The following PLD4 variants were observed in gnomAD, a reference collection of about 807,000 sequenced individuals.
The protein encoded by PLD4 is 5'-3' exonuclease PLD4.
A neutral mutation model predicts 52.3 loss-of-function variants in PLD4; 54 were observed. That is an observed-to-expected ratio of 1.03 (90% confidence interval 0.83 to 1.30). The LOEUF (loss-of-function observed/expected upper bound fraction) is 1.30. Ranked by LOEUF, PLD4 falls within the 50% of genes most tolerant of loss-of-function variation. The pLI is 0.00. For synonymous variants in PLD4, 264 were observed against 286.5 expected (o/e 0.92, Z 0.79); for missense variants, 731 against 671.1 (o/e 1.09, Z -0.99).
At position 104,932,272 on chromosome 14, in the gene PLD4, T is replaced by C; in HGVS notation, c.1238T>C (p.Val413Ala). 8.1e-6 allele frequency: 13 copies of C among 1,612,690 alleles called. No individual in the cohort carries two copies. Among genetic ancestry groups the C allele is most frequent in the Non-Finnish European group, 1.1e-5 (13 of 1,179,838 alleles). ...NVSVDVKVFI[V>A]PVGNHSNIPF... ...TGCTCCCCTAAGAAAGTCTTCATCG[T>C]GCCGGTGGGGAACCATTCCAACATC... is the stretch of plus-strand genomic sequence containing the variant. The change falls in exon 10 of 11, where the codon GTG becomes GCG. Residue 413 changes from valine (V) to alanine (A), a missense_variant. Transcript: ENST00000392593. This position sits in a 1 kb window ranked among gnomAD's most constrained non-coding sequence, Gnocchi z 6.5.
At chr14:104,937,268 T>G (rs931489118), downstream of PLD4, 1 of 152,274 alleles carries the variant, frequency 6.6e-6, no homozygotes, top group Non-Finnish European at 1.5e-5. Context: ...TGCAGCACTT[T>G]CTTTATTGCC....
chr14:104,932,584 T>A lies in PLD4; in HGVS notation c.1322-181T>A, dbSNP rs1043180491. Among the ~76,000 whole-genome samples the A allele has an allele frequency of 2.0e-5, 3 of 152,198 alleles. No homozygotes were observed. The highest frequency in any genetic ancestry group is 6.5e-5 in the Admixed American group (1 of 15,288). On this transcript the variant is annotated intron_variant, in intron 10 of 10. Transcript: ENST00000392593. The surrounding 1 kb of genome is among the most constrained non-coding windows in gnomAD (Gnocchi z 6.5). ...TGTCCCCAAGTGATGAAGGTGGAGT[T>A]CTACCGCGACCAGCTGTCCCTCCCG...
intron 3 of PLD4, 145 bp downstream of exon 3, chr14:104,928,011 C>A: frequency 2.1e-6 from 2 of 947,414 alleles, no homozygotes; most frequent in Non-Finnish European, 3.0e-6. Context: ...AGGGCCACGA[C>A]CATATGAGCT....
Position 104,933,202 on chromosome 14 carries a change from C to T in PLD4, c.*238C>T, listed in dbSNP as rs968739351. On this transcript the variant is annotated 3_prime_UTR_variant, in exon 11 of 11. Coordinates refer to ENST00000392593, the MANE Select transcript of PLD4 (RefSeq NM_138790.5). ...AGGAAGCCCCTTCCCTGACTCCTGG[C>T]CCACAGGCCAGGCCTAAAAAAAACT... 1.2e-5 allele frequency: 6 copies of T among 491,050 alleles called. No individual in the cohort carries two copies. Among genetic ancestry groups the T allele is most frequent in the Non-Finnish European group, 1.4e-5 (4 of 281,398 alleles). The allele number at this position is 491,050 out of a possible 1,614,324, so 30.4% of individuals were successfully genotyped here.
At position 104,932,103 on chromosome 14, in the gene PLD4, G is replaced by T; in HGVS notation, c.1150G>T (p.Asp384Tyr). 1.9e-6 allele frequency: 3 copies of T among 1,611,052 alleles called. No individual in the cohort carries two copies. The highest frequency in any genetic ancestry group is 4.5e-5 in the East Asian group (2 of 44,862). Residue 384 changes from aspartate to tyrosine, a missense_variant, in exon 9 of 11, where the codon GAC becomes TAC. Transcript: ENST00000392593. This position sits in a 1 kb window ranked among gnomAD's most constrained non-coding sequence, Gnocchi z 6.5. ...GCTGGTCGGCTGCGGACTCAACACGGACCCCACCATGTTCCCCTACCTGCG... is the reference window on the plus strand; with the variant it reads ...GCTGGTCGGCTGCGGACTCAACACGTACCCCACCATGTTCCCCTACCTGCG... ...RLLVGCGLNT[D>Y]PTMFPYLRSL...
rs780138740 is a variant in PLD4, at chr14:104,928,982, G to A, written c.468+50G>A. 4 of 1,552,002 alleles carry A rather than the reference G, an allele frequency of 2.6e-6. No homozygotes were observed. In the Admixed American group the frequency reaches 7.2e-5, roughly 28 times the overall value. ...CATCCTGGTGCTGGAAACACAGCAA[G>A]TCAGGCTGCCTATCTATGCAGGCGT... is the stretch of plus-strand genomic sequence containing the variant. On this transcript the variant is annotated intron_variant, in intron 4 of 10. Coordinates refer to ENST00000392593, the MANE Select transcript of PLD4 (RefSeq NM_138790.5).
Position 104,933,142 on chromosome 14 carries a change from C to T in PLD4, c.*178C>T, listed in dbSNP as rs1226773539. On this transcript the variant is annotated 3_prime_UTR_variant, in exon 11 of 11. Coordinates refer to ENST00000392593, the MANE Select transcript of PLD4 (RefSeq NM_138790.5). Reference sequence around the variant, plus strand: ...CTGCTCTCTGATTTCCGAGTCCAGCCCCCCCTGAGCCCCACCTCCTCCAGG... The same window carrying T: ...CTGCTCTCTGATTTCCGAGTCCAGCTCCCCCTGAGCCCCACCTCCTCCAGG... 1.8e-5 allele frequency: 12 copies of T among 660,130 alleles called. No homozygotes were observed. Among genetic ancestry groups the T allele is most frequent in the East Asian group, 3.2e-5 (1 of 31,472 alleles). The allele number at this position is 660,130 out of a possible 1,614,324, so 40.9% of individuals were successfully genotyped here.
At chr14:104,925,759 C>G (rs538232892) in intron 1 of PLD4, among the ~76,000 whole-genome samples, 1 of 152,010 alleles carries the variant, frequency 6.6e-6, no homozygotes, top group Non-Finnish European at 1.5e-5. Context: ...ACCCTGAGGT[C>G]TCCTCTGTGG....
rs1181000639 is a variant in PLD4 at position 104,929,259 on chromosome 14, GGA to G, written c.469-44_469-43del. The stretch of plus-strand genomic sequence containing the variant: ...ACATGGGTCCTAGTGGGGATGCGGA[GGA>G]GAGGGCAGCCTGAGGTCAGCTCTCA... On this transcript the variant is annotated intron_variant, in intron 4 of 10. Transcript: ENST00000392593. The G allele has an allele frequency of 3.8e-6, 6 of 1,575,044 alleles. No homozygotes were observed. In the Admixed American group the frequency reaches 1.1e-4, roughly 29 times the overall value.
Position 104,932,691 on chromosome 14 carries a change from G to T in PLD4, c.1322-74G>T, listed in dbSNP as rs1595382814. 5 of 1,397,986 alleles carry T rather than the reference G, an allele frequency of 3.6e-6. No homozygotes were observed. The East Asian group carries it at 1.3e-4, about 35-fold the overall frequency. The allele number at this position is 1,397,986 out of a possible 1,614,324, so 86.6% of individuals were successfully genotyped here. On this transcript the variant is annotated intron_variant, in intron 10 of 10. Transcript: ENST00000392593. The surrounding 1 kb of genome is among the most constrained non-coding windows in gnomAD (Gnocchi z 6.5). ...CCAACCGTCCCCAAACCCGTAGCCG[G>T]GCCTGGCGCTGAGCGGGCTGCAGAG...
At chr14:104,930,196 G>A in intron 6 of PLD4, 91 bp downstream of exon 6, 1 of 1,531,446 alleles carries the variant, frequency 6.5e-7, no homozygotes, top group South Asian at 1.2e-5. Context: ...CAGTGCATCT[G>A]GAGAAAGTCG....
rs911025951 is a variant in PLD4 at position 104,933,038 on chromosome 14, C to A, written c.*74C>A. The stretch of plus-strand genomic sequence containing the variant: ...CTCTGACCCCGGCCTGGGCTTCAGC[C>A]GCTTCCTCCCGCAAGCAGCCCGGGT... On this transcript the variant is annotated 3_prime_UTR_variant, in exon 11 of 11. Coordinates refer to ENST00000392593, the MANE Select transcript of PLD4 (RefSeq NM_138790.5). The A allele has an allele frequency of 1.3e-5, 18 of 1,435,618 alleles. No individual in the cohort carries two copies. In the Admixed American group the frequency reaches 2.4e-4, roughly 19 times the overall value. 88.9% of individuals were successfully genotyped at this position (1,435,618 alleles called of 1,614,324 possible).
At position 104,928,826 on chromosome 14, in the gene PLD4, C is replaced by G; in HGVS notation, c.362C>G (p.Ala121Gly). 6.2e-7 allele frequency: 1 copy of G among 1,612,152 alleles called. No homozygotes were observed. The highest frequency in any genetic ancestry group is 8.5e-7 in the Non-Finnish European group (1 of 1,179,370). Residue 121 changes from alanine (A) to glycine (G), a missense_variant, in exon 4 of 11, where the codon GCC (alanine) becomes GGC (glycine). Physicochemically the swap from Ala to Gly is moderately conservative, Grantham distance 60. Transcript: ENST00000392593. ...GSPSAQPLGQ[A>G]WLQLLDTAQE... ...CCCTCTGCCCAGCCTCTGGGCCAGG[C>G]CTGGCTGCAGCTGCTGGACACTGCC...
chr14:104,932,892 G>A lies in PLD4; in HGVS notation c.1449G>A (p.Arg483=). 1 of 1,603,676 alleles carries A rather than the reference G, an allele frequency of 6.2e-7. No homozygotes were observed. Among genetic ancestry groups the A allele is most frequent in the South Asian group, 1.1e-5 (1 of 89,436 alleles). ...VQEQLRQLFE[R]DWSSRYAVGL... is the part of the protein sequence containing the mutation. Reference sequence around the variant, plus strand: ...AGCAGCTGCGGCAGCTCTTTGAGCGGGACTGGAGTTCGCGCTACGCCGTCG... The same window carrying A: ...AGCAGCTGCGGCAGCTCTTTGAGCGAGACTGGAGTTCGCGCTACGCCGTCG... The change falls in exon 11 of 11, where the codon CGG becomes CGA. Residue 483 remains arginine, a synonymous_variant. Coordinates refer to ENST00000392593, the MANE Select transcript of PLD4 (RefSeq NM_138790.5). This position sits in a 1 kb window ranked among gnomAD's most constrained non-coding sequence, Gnocchi z 6.5.
chr14:104,932,296 T>G lies in PLD4; in HGVS notation c.1262T>G (p.Ile421Ser), dbSNP rs1324287225. 6.2e-7 allele frequency: 1 copy of G among 1,612,618 alleles called. No homozygotes were observed. The highest frequency in any genetic ancestry group is 8.5e-7 in the Non-Finnish European group (1 of 1,179,836). The change falls in exon 10 of 11, where the codon ATC (isoleucine) becomes AGC (serine). Residue 421 changes from isoleucine to serine, a missense_variant. Transcript: ENST00000392593. The surrounding 1 kb of genome is among the most constrained non-coding windows in gnomAD (Gnocchi z 6.5). ...GTGCCGGTGGGGAACCATTCCAACA[T>G]CCCATTCAGCAGGGTGAACCACAGC... is the stretch of plus-strand genomic sequence containing the variant. The part of the protein sequence containing the change: ...FIVPVGNHSN[I>S]PFSRVNHSKF...
chr14:104,930,342 C>G (rs1362667991), intron 6 of PLD4, among the ~76,000 whole-genome samples: 1 of 152,174 alleles, frequency 6.6e-6, no homozygotes, highest in East Asian at 1.9e-4. Flanking sequence ...AGTCACATTA[C>G]CCAGGGAAGC....
Position 104,932,306 on chromosome 14 carries a change from C to G in PLD4, c.1272C>G (p.Ser424Arg). The change falls in exon 10 of 11, where the codon AGC (serine) becomes AGG (arginine). Residue 424 changes from serine (S) to arginine (R), a missense_variant. Ser to Arg is a moderately radical substitution (Grantham distance 110). Transcript: ENST00000392593. The surrounding 1 kb of genome is among the most constrained non-coding windows in gnomAD (Gnocchi z 6.5). Reference sequence around the variant, plus strand: ...GGAACCATTCCAACATCCCATTCAGCAGGGTGAACCACAGCAAGTTCATGG... The same window carrying G: ...GGAACCATTCCAACATCCCATTCAGGAGGGTGAACCACAGCAAGTTCATGG... ...PVGNHSNIPFSRVNHSKFMVT... is the reference protein window; with the variant it reads ...PVGNHSNIPFRRVNHSKFMVT... The G allele has an allele frequency of 6.2e-7, 1 of 1,612,746 alleles. No individual in the cohort carries two copies. Among genetic ancestry groups the G allele is most frequent in the East Asian group, 2.2e-5 (1 of 44,872 alleles).
downstream of PLD4, chr14:104,934,220 G>A (rs1461847906): frequency 2.0e-5 from 3 of 153,270 alleles, no homozygotes; most frequent in African/African-American, 7.3e-5. Flanking sequence ...AGCATGTGGG[G>A]GCAGGCTTGT....
rs748318332 is a variant in PLD4 at position 104,932,876 on chromosome 14, G to C, written c.1433G>C (p.Arg478Pro). ...GGGGCCACGGTGCAGGAGCAGCTGC[G>C]GCAGCTCTTTGAGCGGGACTGGAGT... ...PAGATVQEQL[R>P]QLFERDWSSR... is the part of the protein sequence containing the mutation. Residue 478 changes from arginine (R) to proline (P), a missense_variant, in exon 11 of 11, where the codon CGG becomes CCG. Physicochemically the swap from Arg to Pro is moderately radical, Grantham distance 103. Transcript: ENST00000392593. The surrounding 1 kb of genome is among the most constrained non-coding windows in gnomAD (Gnocchi z 6.5). 6 of 1,604,388 alleles carry C rather than the reference G, an allele frequency of 3.7e-6. No homozygotes were observed. The highest frequency in any genetic ancestry group is 5.1e-6 in the Non-Finnish European group (6 of 1,176,338).
Sources: gnomAD v4.1 joint callset for allele counts (sites outside exome capture counted in the v4.1 genomes callset) on GRCh38, gnomAD v4.1.1 for gene constraint, Gnocchi (gnomAD v3.1) non-coding constraint, MANE v1.5 for transcripts, NCBI Gene and HGNC (gene_info 2026-07-23, HGNC 2026-07-21) for gene names.